CORO2B: variants seen among roughly 807,000 people sequenced by gnomAD.
CORO2B encodes the protein coronin 2B, also known as coronin-2B.
CORO2B carries 26 observed loss-of-function variants against 58.8 expected under a neutral mutation model. That is an observed-to-expected ratio of 0.44 (90% CI 0.32 to 0.61). The LOEUF is 0.61. Among genes scored for constraint, CORO2B ranks in the 20% least tolerant of loss-of-function variants. CORO2B has a pLI of 0.04. For synonymous variants in CORO2B, 242 were observed against 253.8 expected (o/e 0.95, Z 0.44); for missense variants, 460 against 645.1 (o/e 0.71, Z 3.11).
At chr15:68,648,644 C>T (rs960979605) in intron 2 of CORO2B, among the ~76,000 whole-genome samples, 13 of 151,202 alleles carry the variant, frequency 8.6e-5, no homozygotes, top group South Asian at 4.2e-4. Flanking sequence ...AGCGAGACTC[C>T]GTCTCAAAAA....
At chr15:68,535,015 C>G in the CORO2B span, among the ~76,000 whole-genome samples, 12 of 152,168 alleles carry the variant, frequency 7.9e-5, no homozygotes, top group Admixed American at 6.5e-5. Flanking sequence ...CTGGGTCCCT[C>G]CCACAGCATG....
the CORO2B span, among the ~76,000 whole-genome samples, chr15:68,552,336 T>C: frequency 6.6e-6 from 1 of 152,118 alleles, no homozygotes; most frequent in Admixed American, 6.5e-5. Flanking sequence ...ACCACAAGAA[T>C]CACAAAAGGA....
chr15:68,579,560 T>C (rs1425557742), intron 1 of CORO2B, among the ~76,000 whole-genome samples: 1 of 152,180 alleles, frequency 6.6e-6, no homozygotes, highest in Non-Finnish European at 1.5e-5. Context: ...TTTGGGATGC[T>C]GCATTTTTAA....
chr15:68,578,810 G>T (rs1899338267), upstream of CORO2B, among the ~76,000 whole-genome samples: 1 of 151,904 alleles, frequency 6.6e-6, no homozygotes, highest in Non-Finnish European at 1.5e-5. This position sits in a 1 kb window ranked among gnomAD's most constrained non-coding sequence, Gnocchi z 4.2. Context: ...GGACCCGGGC[G>T]CCCGTCCGGA....
intron 2 of CORO2B, among the ~76,000 whole-genome samples, chr15:68,662,166 A>G (rs762324058): frequency 2.0e-5 from 3 of 152,098 alleles, no homozygotes; most frequent in Non-Finnish European, 4.4e-5. Context: ...TTATGAGCCA[A>G]TTTTCTTTCA....
At position 68,725,906 on chromosome 15, in the gene CORO2B, A is replaced by C. The variant is rs1296329174; in HGVS notation, c.1375A>C (p.Lys459Gln). The C allele has an allele frequency of 1.2e-6, 2 of 1,614,060 alleles. No homozygotes were observed. Among genetic ancestry groups the C allele is most frequent in the South Asian group, 2.2e-5 (2 of 91,084 alleles). Residue 459 changes from lysine to glutamine, a missense_variant, in exon 12 of 12, where the codon AAG (lysine) becomes CAG (glutamine). By Grantham distance (53) the Lys-to-Gln change is moderately conservative. Around this residue, in one of 2 missense-constraint regions of CORO2B, gnomAD observed 108 missense variants for 102.1 expected, o/e 1.06. Transcript: ENST00000261861. ...IRRLKEELAQ[K>Q]DIRIRQLQLE... is the part of the protein sequence containing the mutation. ...ACGGTTGAAAGAGGAGCTGGCCCAG[A>C]AGGACATCCGCATTCGGCAGCTCCA...
intron 7 of CORO2B, 120 bp downstream of exon 7, chr15:68,714,783 T>A: frequency 1.3e-6 from 1 of 741,308 alleles, no homozygotes; most frequent in Non-Finnish European, 2.3e-6. Flanking sequence ...TTCCTGGGCC[T>A]CACCTTTCCC....
the CORO2B span, among the ~76,000 whole-genome samples, chr15:68,569,244 T>A: frequency 6.6e-6 from 1 of 152,222 alleles, no homozygotes; most frequent in Non-Finnish European, 1.5e-5. Flanking sequence ...CATCACAGTA[T>A]CACACAGAGT....
chr15:68,577,690 C>T (rs1274173196), upstream of CORO2B, among the ~76,000 whole-genome samples: 1 of 142,784 alleles, frequency 7.0e-6, no homozygotes, highest in Admixed American at 7.3e-5. Flanking sequence ...CACTGCACTC[C>T]AGCCTGGGCG....
intron 11 of CORO2B, among the ~76,000 whole-genome samples, chr15:68,720,513 G>A (rs1385578674): frequency 6.6e-6 from 1 of 152,174 alleles, no homozygotes; most frequent in South Asian, 2.1e-4. Context: ...GTCCACTGGG[G>A]CTGGAATCAC....
At chr15:68,725,759 G>A (rs1893279664) in intron 11 of CORO2B, 84 bp from the exon 12 acceptor site, 1 of 1,562,966 alleles carries the variant, frequency 6.4e-7, no homozygotes, top group Non-Finnish European at 8.7e-7. Flanking sequence ...CGGGCGGCAG[G>A]CAGCTGGAGA....
chr15:68,533,235 C>G, the CORO2B span, among the ~76,000 whole-genome samples: 1 of 152,076 alleles, frequency 6.6e-6, no homozygotes, highest in Non-Finnish European at 1.5e-5. Flanking sequence ...TAACCAATAT[C>G]TGAAAAATTA....
chr15:68,706,012 C>A (rs1892775289), intron 3 of CORO2B, among the ~76,000 whole-genome samples: 1 of 152,136 alleles, frequency 6.6e-6, no homozygotes, highest in Non-Finnish European at 1.5e-5. Context: ...CCCAGAGATG[C>A]CTCAGTTACT....
intron 2 of CORO2B, among the ~76,000 whole-genome samples, chr15:68,652,110 C>G (rs1367744380): frequency 6.6e-6 from 1 of 152,208 alleles, no homozygotes. Context: ...TCACTTATTT[C>G]TGAATCCATG....
chr15:68,641,706 G>A (rs1314384211), intron 1 of CORO2B: 1 of 407,710 alleles, frequency 2.5e-6, no homozygotes, highest in Non-Finnish European at 3.3e-6. Flanking sequence ...GAGGTGATGG[G>A]GATGATTAGC....
At chr15:68,537,954 G>A in the CORO2B span, among the ~76,000 whole-genome samples, 1 of 152,208 alleles carries the variant, frequency 6.6e-6, no homozygotes, top group South Asian at 2.1e-4. Context: ...ATAAGTATGT[G>A]TTGAGCATCA....
chr15:68,543,990 G>A, the CORO2B span, among the ~76,000 whole-genome samples: 1 of 152,172 alleles, frequency 6.6e-6, no homozygotes, highest in East Asian at 1.9e-4. Context: ...CCAGTCACGT[G>A]TTTCTCTGCC....
At chr15:68,719,316 GT>G in intron 10 of CORO2B, 82 bp downstream of exon 10, 1 of 1,598,482 alleles carries the variant, frequency 6.3e-7, no homozygotes, top group African/African-American at 1.3e-5. Flanking sequence ...CTCCTTGTCT[GT>G]CCCCCTGTTT....
At chr15:68,597,291 A>G (rs2140236909) in intron 1 of CORO2B, among the ~76,000 whole-genome samples, 1 of 152,312 alleles carries the variant, frequency 6.6e-6, no homozygotes, top group South Asian at 2.1e-4. Context: ...ATTCACCAGC[A>G]ACAAAATACT....
Sources: allele counts gnomAD v4.1 joint callset (sites outside exome capture counted in the v4.1 genomes callset), GRCh38; gene constraint gnomAD v4.1.1; regional missense constraint gnomAD v4.1.1; non-coding constraint Gnocchi (gnomAD v3.1); transcripts MANE v1.5; gene names NCBI Gene and HGNC (gene_info 2026-07-23, HGNC 2026-07-21).